UBN2: variants seen among roughly 807,000 people sequenced by gnomAD.
UBN2 encodes ubinuclein-2.
A neutral mutation model predicts 120.2 loss-of-function variants in UBN2; 35 were observed. That is an observed-to-expected ratio of 0.29 (90% CI 0.22 to 0.39). The LOEUF (loss-of-function observed/expected upper bound fraction) is 0.39, where lower values mean the gene tolerates loss of function less well. Among genes scored for constraint, UBN2 ranks in the 10% least tolerant of loss-of-function variants. The pLI is 1.00. For synonymous variants in UBN2, 661 were observed against 648.7 expected, an observed-to-expected ratio of 1.02 and a Z score of -0.29; for missense variants, 1,693 against 1,663.2, an observed-to-expected ratio of 1.02 and a Z score of -0.31.
rs1245396901 is a variant in UBN2, at chr7:139,302,345, C to T, written c.*4509C>T. 6.6e-6 allele frequency: 1 copy of T among 152,178 alleles called. No individual in the cohort carries two copies. Among genetic ancestry groups the T allele is most frequent in the Non-Finnish European group, 1.5e-5 (1 of 68,036 alleles). 9.4% of individuals were successfully genotyped at this position (152,178 alleles called of 1,614,324 possible). On this transcript the variant is annotated 3_prime_UTR_variant, in exon 18 of 18. Coordinates refer to ENST00000473989, the MANE Select transcript of UBN2 (RefSeq NM_173569.4). ...CTTTCCATGTTTGCAAAACTTCTGCCTTGTTTATTCCATTGCTTTTAGTTG... is the reference window on the plus strand; with the variant it reads ...CTTTCCATGTTTGCAAAACTTCTGCTTTGTTTATTCCATTGCTTTTAGTTG...
intron 8 of UBN2, among the ~76,000 whole-genome samples, chr7:139,270,269 AC>A (rs1797230537): frequency 6.8e-6 from 1 of 146,102 alleles, no homozygotes; most frequent in African/African-American, 2.5e-5. Flanking sequence ...TAGCAGAAAT[AC>A]TTTTTTTTTT....
At chr7:139,291,607 T>G (rs1395808414) in intron 15 of UBN2, among the ~76,000 whole-genome samples, 2 of 152,072 alleles carry the variant, frequency 1.3e-5, no homozygotes, top group Non-Finnish European at 2.9e-5. Context: ...TCTCAGTGCT[T>G]TGGAAGGCCT....
intron 15 of UBN2, among the ~76,000 whole-genome samples, chr7:139,286,813 G>C (rs759765200): frequency 6.6e-6 from 1 of 152,142 alleles, no homozygotes; most frequent in Non-Finnish European, 1.5e-5. Context: ...TCCCCTTGCT[G>C]TATGTCAAGG....
rs1287642714 is a variant in UBN2, at chr7:139,274,080, A to C, written c.1973+6A>C. On this transcript the variant is annotated splice_donor_region_variant and intron_variant, in intron 11 of 17. Transcript: ENST00000473989. ...AAGGGCTGGATGCAGGCAAGGTAAG[A>C]AATGTGACTTACTGGATTTTATTTT... is the stretch of plus-strand genomic sequence containing the variant. 6.3e-7 allele frequency: 1 copy of C among 1,580,052 alleles called. No individual in the cohort carries two copies. The highest frequency in any genetic ancestry group is 8.5e-7 in the Non-Finnish European group (1 of 1,170,830).
At position 139,293,361 on chromosome 7, in the gene UBN2, T is replaced by C. The variant is rs747844047; in HGVS notation, c.3799T>C (p.Phe1267Leu). The change falls in exon 16 of 18, where the codon TTC (phenylalanine) becomes CTC (leucine). Residue 1267 changes from phenylalanine (F) to leucine (L), a missense_variant. Coordinates refer to ENST00000473989, the MANE Select transcript of UBN2 (RefSeq NM_173569.4). The part of the protein sequence containing the change: ...LGGLVPVTMP[F>L]QFPLEIFGFG... ...TGGCCTTGTTCCAGTGACCATGCCCTTCCAGTTTCCCTTGGAGATATTTGG... is the reference window on the plus strand; with the variant it reads ...TGGCCTTGTTCCAGTGACCATGCCCCTCCAGTTTCCCTTGGAGATATTTGG... The C allele has an allele frequency of 1.2e-6, 2 of 1,614,160 alleles. No homozygotes were observed. The highest frequency in any genetic ancestry group is 2.2e-5 in the South Asian group (2 of 91,082).
In UBN2 at chr7:139,283,469, G is replaced by A. The variant is rs767706370; in HGVS notation, c.2564G>A (p.Gly855Asp). Reference sequence around the variant, plus strand: ...TTAGCTCATACTGGCATCTCTTCAGGCCTTATTGCTGGTTCTTCCATTCAG... The same window carrying A: ...TTAGCTCATACTGGCATCTCTTCAGACCTTATTGCTGGTTCTTCCATTCAG... ...QDLAHTGISSGLIAGSSIQNP... is the reference protein window; with the variant it reads ...QDLAHTGISSDLIAGSSIQNP... The change falls in exon 15 of 18, where the codon GGC becomes GAC. Residue 855 changes from glycine to aspartate, a missense_variant. Gly to Asp is a moderately conservative substitution (Grantham distance 94). Around this residue, in one of 5 missense-constraint regions of UBN2, gnomAD observed 837 missense variants for 817.6 expected, o/e 1.02. Coordinates refer to ENST00000473989, the MANE Select transcript of UBN2 (RefSeq NM_173569.4). 3 of 1,613,920 alleles carry A rather than the reference G, an allele frequency of 1.9e-6. No individual in the cohort carries two copies. Among genetic ancestry groups the A allele is most frequent in the Admixed American group, 1.7e-5 (1 of 59,992 alleles).
Position 139,304,512 on chromosome 7 carries a change from G to A in UBN2, c.*6676G>A, listed in dbSNP as rs1798324006. 1 of 152,164 alleles carries A rather than the reference G, an allele frequency of 6.6e-6. No individual in the cohort carries two copies. Among genetic ancestry groups the A allele is most frequent in the Non-Finnish European group, 1.5e-5 (1 of 68,036 alleles). 9.4% of individuals were successfully genotyped at this position (152,164 alleles called of 1,614,324 possible). A position where few individuals can be genotyped will look rare whatever the true frequency, so the allele number is the denominator to read the frequency against. ...GCAGTTTTAGTTGGGGCTAAATGCT[G>A]AGCAACGATTGTTGGAGTGTGTGTG... On this transcript the variant is annotated 3_prime_UTR_variant, in exon 18 of 18. Coordinates refer to ENST00000473989, the MANE Select transcript of UBN2 (RefSeq NM_173569.4).
In UBN2 at chr7:139,265,295, G is replaced by A. The variant is rs537567906; in HGVS notation, c.1396-1038G>A. Among the ~76,000 whole-genome samples the A allele has an allele frequency of 2.6e-5, 4 of 151,866 alleles. No individual in the cohort carries two copies. The South Asian group carries it at 6.2e-4, about 24-fold the overall frequency. On this transcript the variant is annotated intron_variant, in intron 6 of 17. Transcript: ENST00000473989. ...AGATCAAGACCATCCTGGCTAACAC[G>A]ATGAAATCCCGTCTCTACTGAAAAT...
chr7:139,266,357 G>T lies in UBN2; in HGVS notation c.1420G>T (p.Gly474Ter). 6.3e-7 allele frequency: 1 copy of T among 1,578,988 alleles called. No individual in the cohort carries two copies. Among genetic ancestry groups the T allele is most frequent in the Non-Finnish European group, 8.6e-7 (1 of 1,157,426 alleles). ...RVAAKLFDEE[G>*]RKKFFTQDMN... ...GGCTGCCAAACTTTTTGATGAAGAA[G>T]GAAGGAAAAAATTCTTTACACAGGA... Residue 474 changes from glycine (G) to a stop codon, truncating the protein, a stop_gained, in exon 7 of 18, where the codon GGA becomes TGA. Coordinates refer to ENST00000473989, the MANE Select transcript of UBN2 (RefSeq NM_173569.4). LOFTEE classifies it high-confidence loss of function.
intron 2 of UBN2, among the ~76,000 whole-genome samples, chr7:139,247,412 G>A (rs1796499642): frequency 6.6e-6 from 1 of 152,120 alleles, no homozygotes; most frequent in Non-Finnish European, 1.5e-5. Flanking sequence ...CTTTATTAGA[G>A]TTTAAGGTGT....
At chr7:139,320,945 T>C in the UBN2 span, among the ~76,000 whole-genome samples, 360 of 152,302 alleles carry the variant, frequency 2.4e-3, 3 homozygotes, top group African/African-American at 8.1e-3. Flanking sequence ...GTAAAAATTC[T>C]ATATTAGCTA....
chr7:139,284,353 A>T lies in UBN2; in HGVS notation c.3448A>T (p.Thr1150Ser). 1 of 1,614,192 alleles carries T rather than the reference A, an allele frequency of 6.2e-7. No homozygotes were observed. Among genetic ancestry groups the T allele is most frequent in the Non-Finnish European group, 8.5e-7 (1 of 1,180,036 alleles). The change falls in exon 15 of 18, where the codon ACA (threonine) becomes TCA (serine). Residue 1150 changes from threonine to serine, a missense_variant. By Grantham distance (58) the Thr-to-Ser change is moderately conservative. Coordinates refer to ENST00000473989, the MANE Select transcript of UBN2 (RefSeq NM_173569.4). ...TKNLQAPSKL[T>S]NSSSTGTVGK... ...AAATCTTCAGGCCCCCTCAAAGCTA[A>T]CAAACTCATCATCCACTGGAACTGT...
In UBN2 at chr7:139,284,017, A is replaced by G. The variant is rs369352405; in HGVS notation, c.3112A>G (p.Lys1038Glu). Residue 1038 changes from lysine (K) to glutamate (E), a missense_variant, in exon 15 of 18, where the codon AAA becomes GAA. By Grantham distance (56) the Lys-to-Glu change is moderately conservative. Transcript: ENST00000473989. The part of the protein sequence containing the change: ...KSPFSMAASP[K>E]LAASPKPATS... Reference sequence around the variant, plus strand: ...TCCCTTCTCGATGGCTGCCTCCCCAAAACTTGCCGCATCTCCCAAGCCTGC... The same window carrying G: ...TCCCTTCTCGATGGCTGCCTCCCCAGAACTTGCCGCATCTCCCAAGCCTGC... The G allele has an allele frequency of 6.2e-6, 10 of 1,613,520 alleles. No individual in the cohort carries two copies. The African/African-American group carries it at 1.2e-4, about 19-fold the overall frequency.
intron 2 of UBN2, among the ~76,000 whole-genome samples, chr7:139,243,429 A>G (rs1796375752): frequency 6.6e-6 from 1 of 152,172 alleles, no homozygotes; most frequent in Non-Finnish European, 1.5e-5. Flanking sequence ...CAGTAAGGGT[A>G]CTGAAAAAGA....
intron 11 of UBN2, among the ~76,000 whole-genome samples, chr7:139,274,436 A>G (rs1797380966): frequency 6.6e-6 from 1 of 152,164 alleles, no homozygotes; most frequent in East Asian, 1.9e-4. Flanking sequence ...AGAGCATAGG[A>G]AAAGAGACAC....
chr7:139,260,232 G>A (rs1005535376), intron 5 of UBN2, among the ~76,000 whole-genome samples: 2 of 151,978 alleles, frequency 1.3e-5, no homozygotes, highest in African/African-American at 4.8e-5. Flanking sequence ...CTGAGTAGCT[G>A]GGACTATAGG....
chr7:139,288,950 C>T (rs557327064), intron 15 of UBN2, among the ~76,000 whole-genome samples: 91 of 145,116 alleles, frequency 6.3e-4, no homozygotes, highest in Admixed American at 5.2e-3. Context: ...TGCAGTGAGC[C>T]GAGATTGCAC....
chr7:139,283,449 T>G lies in UBN2; in HGVS notation c.2544T>G (p.Ala848=), dbSNP rs774972535. ...GPVPKKPQDL[A]HTGISSGLIA... The stretch of plus-strand genomic sequence containing the variant: ...TACCAAAGAAACCCCAGGATTTAGC[T>G]CATACTGGCATCTCTTCAGGCCTTA... Residue 848 remains alanine (A), a synonymous_variant, in exon 15 of 18, where the codon GCT becomes GCG. Transcript: ENST00000473989. 23 of 1,614,034 alleles carry G rather than the reference T, an allele frequency of 1.4e-5. No homozygotes were observed. Among genetic ancestry groups the G allele is most frequent in the Non-Finnish European group, 1.8e-5 (21 of 1,180,036 alleles).
chr7:139,231,802 GC>G lies in UBN2; in HGVS notation c.323del (p.Pro108ArgfsTer78). On this transcript the variant is annotated frameshift_variant, in exon 1 of 18. Transcript: ENST00000473989. LOFTEE classifies it high-confidence loss of function. ...CGTTCCCGCCGCTGCCCTTGCAGCC[GC>G]CCCCGCCGCGGGAGTCGGCTTCCCG... ...PPFPPLPLQP[P>X]PPRESASRAE... 7.0e-7 allele frequency: 1 copy of G among 1,422,246 alleles called. No homozygotes were observed. 88.1% of individuals were successfully genotyped at this position (1,422,246 alleles called of 1,614,324 possible).
Sources: allele counts gnomAD v4.1 joint callset (sites outside exome capture counted in the v4.1 genomes callset), GRCh38; gene constraint gnomAD v4.1.1; regional missense constraint gnomAD v4.1.1; transcripts MANE v1.5; gene names NCBI Gene and HGNC (gene_info 2026-07-23, HGNC 2026-07-21).